The following TATDN2 variants were observed in gnomAD, a reference collection of about 807,000 sequenced individuals.
TATDN2 encodes the protein 3'-5' RNA nuclease TATDN2.
Under a neutral mutation model 60.3 loss-of-function variants are expected in TATDN2, and 44 were observed. The ratio of observed to expected loss-of-function variants is 0.73; its 90% CI spans 0.57 to 0.94. The LOEUF is 0.94. Ranked by LOEUF, TATDN2 falls within the 40% of genes least tolerant of loss-of-function variation. The pLI is 0.00. For missense variants in TATDN2, 997 were observed against 948.0 expected (o/e 1.05, Z -0.68); for synonymous variants, 399 against 355.8 (o/e 1.12, Z -1.37).
In TATDN2 at chr3:10,278,727, GC is replaced by G; in HGVS notation, c.2146-153del. ...AAGCGTGGGACCCTGCTCACCCAGA[GC>G]CCCCATGACTAGGACTCTCCCTGCA... On this transcript the variant is annotated intron_variant, in intron 6 of 7. Coordinates refer to ENST00000448281, the MANE Select transcript of TATDN2 (RefSeq NM_014760.4). This position sits in a 1 kb window ranked among gnomAD's most constrained non-coding sequence, Gnocchi z 4.7. 1.7e-6 allele frequency: 2 copies of G among 1,190,782 alleles called. No homozygotes were observed. The highest frequency in any genetic ancestry group is 2.4e-6 in the Non-Finnish European group (2 of 828,410). 73.8% of individuals were successfully genotyped at this position (1,190,782 alleles called of 1,614,324 possible).
In TATDN2 at chr3:10,270,829, G is replaced by A. The variant is rs778420991; in HGVS notation, c.1647G>A (p.Glu549=). 3 of 1,614,202 alleles carry A rather than the reference G, an allele frequency of 1.9e-6. No homozygotes were observed. Among genetic ancestry groups the A allele is most frequent in the Non-Finnish European group, 2.5e-6 (3 of 1,180,026 alleles). Residue 549 remains glutamate (E), a synonymous_variant, in exon 4 of 8, where the codon GAG becomes GAA. Coordinates refer to ENST00000448281, the MANE Select transcript of TATDN2 (RefSeq NM_014760.4). ...GCACCCTGACAGATTGCCTATGGGA[G>A]GAGCTGTTGAAAGAGGATCTGGTCT... ...DPRTLTDCLW[E]ELLKEDLVWG...
chr3:10,250,977 G>C (rs1356798492), intron 2 of TATDN2, among the ~76,000 whole-genome samples: 1 of 152,182 alleles, frequency 6.6e-6, no homozygotes, highest in African/African-American at 2.4e-5. Context: ...AGTCTTTCAG[G>C]TGTGCTGAAT....
At position 10,249,279 on chromosome 3, in the gene TATDN2, C is replaced by T. The variant is rs369729618; in HGVS notation, c.79C>T (p.Arg27Trp). 16 of 1,592,982 alleles carry T rather than the reference C, an allele frequency of 1.0e-5. No individual in the cohort carries two copies. Among genetic ancestry groups the T allele is most frequent in the Middle Eastern group, 1.7e-4 (1 of 5,968 alleles). Reference protein sequence around the residue: ...EGCPRKRSCLREPCDVAPSSR... With the variant: ...EGCPRKRSCLWEPCDVAPSSR... Reference sequence around the variant, plus strand: ...GTGTCCCCGCAAGCGCAGCTGCCTCCGGGAGCCCTGTGATGTGGCCCCCTC... The same window carrying T: ...GTGTCCCCGCAAGCGCAGCTGCCTCTGGGAGCCCTGTGATGTGGCCCCCTC... Residue 27 changes from arginine (R) to tryptophan (W), a missense_variant, in exon 2 of 8, where the codon CGG (arginine) becomes TGG (tryptophan). Physicochemically the swap from Arg to Trp is moderately radical, Grantham distance 101 (BLOSUM62 -3). Coordinates refer to ENST00000448281, the MANE Select transcript of TATDN2 (RefSeq NM_014760.4).
chr3:10,251,797 C>A (rs1698235632), intron 2 of TATDN2, among the ~76,000 whole-genome samples: 1 of 151,870 alleles, frequency 6.6e-6, no homozygotes, highest in Admixed American at 6.6e-5. Flanking sequence ...TGGGGTCAAG[C>A]AATCTTCTTA....
chr3:10,264,683 C>CT lies in TATDN2; in HGVS notation c.948+4026dup, dbSNP rs779677473. 4.7e-3 allele frequency among the ~76,000 whole-genome samples: 679 copies of CT among 143,884 alleles called. 1 individual carries two copies. Among genetic ancestry groups the CT allele is most frequent in the East Asian group, 6.6e-3 (33 of 5,006 alleles). 94.4% of individuals were successfully genotyped at this position (143,884 alleles called of 152,430 possible). On this transcript the variant is annotated intron_variant, in intron 3 of 7. Coordinates refer to ENST00000448281, the MANE Select transcript of TATDN2 (RefSeq NM_014760.4). ...TGGATGGTTTCTTCAACTTTATCTTCTTTTTTTTTTTTTGAGATAGAGTCT... is the reference window on the plus strand; with the variant it reads ...TGGATGGTTTCTTCAACTTTATCTTCTTTTTTTTTTTTTTGAGATAGAGTCT...
chr3:10,251,568 T>G (rs962043972), intron 2 of TATDN2, among the ~76,000 whole-genome samples: 12 of 151,970 alleles, frequency 7.9e-5, no homozygotes, highest in Admixed American at 5.9e-4. Context: ...GTATTTTTAG[T>G]GGAGATGGGG....
At chr3:10,276,270 C>A in intron 4 of TATDN2, 91 bp from the exon 5 acceptor site, 2 of 1,491,252 alleles carry the variant, frequency 1.3e-6, no homozygotes, top group Non-Finnish European at 9.0e-7. Context: ...AAGAGAGACA[C>A]AGGGGGTGCC....
chr3:10,253,099 C>T (rs749932384), intron 2 of TATDN2, among the ~76,000 whole-genome samples: 33 of 151,898 alleles, frequency 2.2e-4, no homozygotes, highest in African/African-American at 5.1e-4. Flanking sequence ...CCTCGTGATC[C>T]GCCTGCATAG....
In TATDN2 at chr3:10,248,554, GGGGCTGTAGGGCTGGGGCAGGCGGC is replaced by G. The variant is rs1343665205; in HGVS notation, c.-513_-489del. The G allele has an allele frequency of 2.0e-5, 3 of 152,040 alleles. No homozygotes were observed. The highest frequency in any genetic ancestry group is 7.2e-5 in the African/African-American group (3 of 41,410). The allele number at this position is 152,040 out of a possible 1,614,324, so 9.4% of individuals were successfully genotyped here. Reference sequence around the variant, plus strand: ...AGTTCGGGCGGAGGCCGGGCCAGGCGGGGCTGTAGGGCTGGGGCAGGCGGCGGGCTGCCCGGCGGGACAGCTGCGG... The same window carrying G: ...AGTTCGGGCGGAGGCCGGGCCAGGCGGGGCTGCCCGGCGGGACAGCTGCGG... On this transcript the variant is annotated 5_prime_UTR_variant, in exon 1 of 8. Transcript: ENST00000448281.
chr3:10,266,948 T>TTTTTTTTTTTTTA (rs1576012221), intron 3 of TATDN2, among the ~76,000 whole-genome samples: 1 of 142,084 alleles, frequency 7.0e-6, no homozygotes. Context: ...TTTTTTTTTT[T>TTTTTTTTTTTTTA]GAGACAGAGT....
chr3:10,260,089 G>A lies in TATDN2; in HGVS notation c.415-48G>A, dbSNP rs187508524. Reference sequence around the variant, plus strand: ...ATAATTTGCCAAATGCTTCATGTACGAAAGTGCCCTTGGAACAGCCCTTTC... The same window carrying A: ...ATAATTTGCCAAATGCTTCATGTACAAAAGTGCCCTTGGAACAGCCCTTTC... On this transcript the variant is annotated intron_variant, in intron 2 of 7. Transcript: ENST00000448281. 3.3e-5 allele frequency: 52 copies of A among 1,559,198 alleles called. No homozygotes were observed. In the African/African-American group the frequency reaches 5.8e-4, roughly 17 times the overall value.
chr3:10,273,343 G>A (rs1371002935), intron 4 of TATDN2, among the ~76,000 whole-genome samples: 1 of 93,912 alleles, frequency 1.1e-5, no homozygotes, highest in East Asian at 2.0e-4. Context: ...GAGGTGAATG[G>A]TGGTGACTGG....
chr3:10,273,166 C>T (rs560914217), intron 4 of TATDN2, among the ~76,000 whole-genome samples: 1 of 152,276 alleles, frequency 6.6e-6, no homozygotes, highest in African/African-American at 2.4e-5. Context: ...TGAGATTTGA[C>T]TCAAGACTGG....
intron 7 of TATDN2, 71 bp downstream of exon 7, chr3:10,279,134 G>C: frequency 7.1e-7 from 1 of 1,398,938 alleles, no homozygotes; most frequent in Non-Finnish European, 9.7e-7. Context: ...TTAATGTAAA[G>C]AATATAAACA....
Position 10,276,504 on chromosome 3 carries a change from C to G in TATDN2, c.1961+16C>G. 1 of 1,612,266 alleles carries G rather than the reference C, an allele frequency of 6.2e-7. No individual in the cohort carries two copies. Among genetic ancestry groups the G allele is most frequent in the Non-Finnish European group, 8.5e-7 (1 of 1,179,372 alleles). ...AGATCCATAGGTTAGAAGACTGGAA[C>G]TTCAGCGGGCAAATGAAAGAAACAC... On this transcript the variant is annotated intron_variant, in intron 5 of 7. Transcript: ENST00000448281.
rs1442540744 is a variant in TATDN2 at position 10,248,536 on chromosome 3, G to C, written c.-538G>C. 2 of 152,106 alleles carry C rather than the reference G, an allele frequency of 1.3e-5. No individual in the cohort carries two copies. Among genetic ancestry groups the C allele is most frequent in the Non-Finnish European group, 2.9e-5 (2 of 68,074 alleles). 9.4% of individuals were successfully genotyped at this position (152,106 alleles called of 1,614,324 possible). A position where few individuals can be genotyped will look rare whatever the true frequency, so the allele number is the denominator to read the frequency against. ...GGAGGCCGGAGTGGTCGCAGTTCGG[G>C]CGGAGGCCGGGCCAGGCGGGGCTGT... is the stretch of plus-strand genomic sequence containing the variant. On this transcript the variant is annotated 5_prime_UTR_variant, in exon 1 of 8. Coordinates refer to ENST00000448281, the MANE Select transcript of TATDN2 (RefSeq NM_014760.4).
chr3:10,275,029 A>G (rs1698614471), intron 4 of TATDN2, among the ~76,000 whole-genome samples: 1 of 142,878 alleles, frequency 7.0e-6, no homozygotes, highest in African/African-American at 2.6e-5. Flanking sequence ...TGCTCTGTCC[A>G]GGCTGGAGTG....
intron 2 of TATDN2, among the ~76,000 whole-genome samples, chr3:10,259,164 G>A (rs901300856): frequency 6.6e-6 from 1 of 152,052 alleles, no homozygotes; most frequent in Non-Finnish European, 1.5e-5. Context: ...GAGCCACCGC[G>A]CCCCGTGTGT....
In TATDN2 at chr3:10,278,261, G is replaced by A; in HGVS notation, c.1962-18G>A. The A allele has an allele frequency of 6.2e-7, 1 of 1,610,626 alleles. No individual in the cohort carries two copies. Among genetic ancestry groups the A allele is most frequent in the Non-Finnish European group, 8.5e-7 (1 of 1,177,814 alleles). On this transcript the variant is annotated intron_variant, in intron 5 of 7. Transcript: ENST00000448281. This position sits in a 1 kb window ranked among gnomAD's most constrained non-coding sequence, Gnocchi z 4.7. ...AGAGGGGACTGTGAGCAGCCCTGATGTGGAGTTCTGTCTCCAGGCATTGCT... is the reference window on the plus strand; with the variant it reads ...AGAGGGGACTGTGAGCAGCCCTGATATGGAGTTCTGTCTCCAGGCATTGCT...
Sources: allele counts gnomAD v4.1 joint callset (sites outside exome capture counted in the v4.1 genomes callset), GRCh38; gene constraint gnomAD v4.1.1; non-coding constraint Gnocchi (gnomAD v3.1); transcripts MANE v1.5; gene names NCBI Gene and HGNC (gene_info 2026-07-23, HGNC 2026-07-21).